RPS6KC1: variants seen among roughly 807,000 people sequenced by gnomAD.
RPS6KC1 encodes the protein inactive ribosomal protein S6 kinase delta-1.
In RPS6KC1, 54 loss-of-function variants were observed where a neutral mutation model predicts 103.8. The observed-to-expected ratio is 0.52, with a 90% confidence interval of 0.42 to 0.65. The LOEUF (loss-of-function observed/expected upper bound fraction) is 0.65. RPS6KC1 is among the 30% of genes least tolerant of loss of function. The probability of loss-of-function intolerance (pLI) is 0.00; values close to 1 mark genes in which losing one functional copy is unlikely to be tolerated. For synonymous variants in RPS6KC1, 439 were observed against 438.7 expected, an observed-to-expected ratio of 1.00 and a Z score of -0.01; for missense variants, 1,151 against 1,253.8, an observed-to-expected ratio of 0.92 and a Z score of 1.24.
the RPS6KC1 span, among the ~76,000 whole-genome samples, chr1:213,586,027 G>C: frequency 2.6e-5 from 4 of 152,120 alleles, no homozygotes; most frequent in Non-Finnish European, 4.4e-5. Context: ...TTTCTTTCTT[G>C]ACAGTCACAT....
At chr1:213,137,154 C>A (rs999790313) in intron 6 of RPS6KC1, among the ~76,000 whole-genome samples, 1 of 151,834 alleles carries the variant, frequency 6.6e-6, no homozygotes, top group Admixed American at 6.6e-5. Flanking sequence ...AGGATCCTGA[C>A]CTTTCTCTCA....
At chr1:213,642,497 A>G in the RPS6KC1 span, among the ~76,000 whole-genome samples, 1 of 152,140 alleles carries the variant, frequency 6.6e-6, no homozygotes, top group African/African-American at 2.4e-5. Flanking sequence ...TATTTCCAGG[A>G]AAGTACTAAG....
At chr1:213,785,614 C>A in the RPS6KC1 span, among the ~76,000 whole-genome samples, 4 of 151,926 alleles carry the variant, frequency 2.6e-5, no homozygotes, top group African/African-American at 9.7e-5. Context: ...AATAGTAAAG[C>A]TATTATGAAT....
chr1:213,515,645 G>C, the RPS6KC1 span, among the ~76,000 whole-genome samples: 1 of 152,162 alleles, frequency 6.6e-6, no homozygotes, highest in East Asian at 1.9e-4. Flanking sequence ...TTGTAGTATA[G>C]TTTGAAGTCA....
the RPS6KC1 span, among the ~76,000 whole-genome samples, chr1:213,519,759 A>T: frequency 9.9e-5 from 15 of 152,216 alleles, no homozygotes; most frequent in African/African-American, 3.4e-4. Flanking sequence ...CCACATGGTA[A>T]CCACTGGATA....
the RPS6KC1 span, among the ~76,000 whole-genome samples, chr1:213,760,485 C>T: frequency 6.6e-6 from 1 of 152,262 alleles, no homozygotes; most frequent in South Asian, 2.1e-4. Context: ...CTATAGGCTT[C>T]CCTCTTGATC....
chr1:213,568,643 ACT>A, the RPS6KC1 span, among the ~76,000 whole-genome samples: 1 of 152,078 alleles, frequency 6.6e-6, no homozygotes. Flanking sequence ...TTTAACTGTA[ACT>A]CTCTGCAGTA....
chr1:213,665,464 A>G, the RPS6KC1 span, among the ~76,000 whole-genome samples: 3 of 152,282 alleles, frequency 2.0e-5, no homozygotes, highest in East Asian at 5.8e-4. Flanking sequence ...TATAATTTCC[A>G]TTAAAAATAA....
At chr1:213,472,119 T>G in the RPS6KC1 span, among the ~76,000 whole-genome samples, 1 of 152,238 alleles carries the variant, frequency 6.6e-6, no homozygotes. Flanking sequence ...TTTCTGAAAG[T>G]GGAGTGGTTA....
the RPS6KC1 span, among the ~76,000 whole-genome samples, chr1:213,687,653 G>A: frequency 6.6e-6 from 1 of 152,192 alleles, no homozygotes; most frequent in African/African-American, 2.4e-5. Context: ...AAATATACAA[G>A]AGGGTCTCTA....
chr1:213,859,215 T>C, the RPS6KC1 span, among the ~76,000 whole-genome samples: 1 of 152,196 alleles, frequency 6.6e-6, no homozygotes, highest in South Asian at 2.1e-4. Context: ...TAATAGGGCA[T>C]ATGTCCGGGG....
At chr1:213,179,495 G>A (rs2092121015) in intron 8 of RPS6KC1, among the ~76,000 whole-genome samples, 10 of 151,734 alleles carry the variant, frequency 6.6e-5, no homozygotes, top group Admixed American at 6.6e-4. Flanking sequence ...ACTTTCTGTT[G>A]TACTGAGGAC....
At chr1:213,167,597 T>C (rs1215188422) in intron 6 of RPS6KC1, among the ~76,000 whole-genome samples, 1 of 152,188 alleles carries the variant, frequency 6.6e-6, no homozygotes, top group Non-Finnish European at 1.5e-5. Context: ...ACATTTCTTA[T>C]ATATTTGACT....
At chr1:213,376,839 G>A in the RPS6KC1 span, among the ~76,000 whole-genome samples, 3 of 152,336 alleles carry the variant, frequency 2.0e-5, no homozygotes, top group East Asian at 5.8e-4. Flanking sequence ...TCTCAGGAAT[G>A]AGGCTCTCTT....
the RPS6KC1 span, among the ~76,000 whole-genome samples, chr1:213,308,333 A>AG: frequency 1.4e-5 from 2 of 147,950 alleles, no homozygotes; most frequent in Non-Finnish European, 2.9e-5. Context: ...AAAAAAAAAA[A>AG]AGAGAGAAAG....
intron 10 of RPS6KC1, among the ~76,000 whole-genome samples, chr1:213,237,129 A>G (rs1300323572): frequency 6.6e-6 from 1 of 152,038 alleles, no homozygotes; most frequent in Non-Finnish European, 1.5e-5. Flanking sequence ...TTTTTCCCCC[A>G]TCTCAAAAGT....
the RPS6KC1 span, among the ~76,000 whole-genome samples, chr1:213,491,978 C>T: frequency 1.3e-5 from 2 of 152,112 alleles, no homozygotes; most frequent in Admixed American, 6.5e-5. Context: ...TCCTGCCCAG[C>T]CTGCCACCGC....
the RPS6KC1 span, among the ~76,000 whole-genome samples, chr1:213,467,442 C>T: frequency 6.6e-6 from 1 of 152,198 alleles, no homozygotes; most frequent in African/African-American, 2.4e-5. Flanking sequence ...TGATCCGGAA[C>T]AATGTATCAG....
the RPS6KC1 span, among the ~76,000 whole-genome samples, chr1:213,297,754 G>A: frequency 8.5e-5 from 13 of 152,164 alleles, no homozygotes; most frequent in East Asian, 2.3e-3. Context: ...AGGACTACAG[G>A]CATGTACCAC....
Sources: gnomAD v4.1 joint callset for allele counts (sites outside exome capture counted in the v4.1 genomes callset) on GRCh38, gnomAD v4.1.1 for gene constraint, MANE v1.5 for transcripts, NCBI Gene and HGNC (gene_info 2026-07-23, HGNC 2026-07-21) for gene names.